LARGE1: variants seen among roughly 807,000 people sequenced by gnomAD.
LARGE1 encodes the protein xylosyl- and glucuronyltransferase LARGE1.
LARGE1 carries 43 observed loss-of-function variants against 87.6 expected under a neutral mutation model. That is an observed-to-expected ratio of 0.49 (90% CI 0.38 to 0.63). The LOEUF is 0.63. Ranked by LOEUF, LARGE1 falls within the 30% of genes least tolerant of loss-of-function variation. The probability of loss-of-function intolerance (pLI) is 0.00; values close to 1 mark genes in which losing one functional copy is unlikely to be tolerated. For synonymous variants in LARGE1, 434 were observed against 394.6 expected (o/e 1.10, Z -1.18); for missense variants, 802 against 1,000.2 (o/e 0.80, Z 2.67).
intron 11 of LARGE1, among the ~76,000 whole-genome samples, chr22:33,256,010 C>G (rs1568991783): frequency 2.0e-5 from 3 of 152,186 alleles, no homozygotes; most frequent in Non-Finnish European, 4.4e-5. Context: ...ATTTCCTCAT[C>G]ATTTCCAGGC....
Position 33,504,968 on chromosome 22 carries a change from T to C in LARGE1, c.787+59880A>G, listed in dbSNP as rs181804658. 3.3e-5 allele frequency among the ~76,000 whole-genome samples: 5 copies of C among 152,300 alleles called. No homozygotes were observed. In the East Asian group the frequency reaches 9.7e-4, roughly 29 times the overall value. On this transcript the variant is annotated intron_variant, in intron 6 of 14. Transcript: ENST00000397394. ...TTTGGATACAGCAACAGGGCAAAGG[T>C]GACAACCTCCAGGTGGCAAAGGTGG...
At chr22:33,354,428 C>T (rs1940700052) in intron 9 of LARGE1, among the ~76,000 whole-genome samples, 1 of 152,136 alleles carries the variant, frequency 6.6e-6, no homozygotes, top group South Asian at 2.1e-4. Flanking sequence ...ATTATATACA[C>T]TATAAAGAAA....
chr22:33,111,578 C>T, the LARGE1 span, among the ~76,000 whole-genome samples: 3 of 152,120 alleles, frequency 2.0e-5, no homozygotes, highest in African/African-American at 2.4e-5. Flanking sequence ...CAATTCCCCC[C>T]GTCCAGACTC....
rs951555635 is a variant in LARGE1 at position 33,650,246 on chromosome 22, C to T, written c.408+121G>A. 11 of 1,264,296 alleles carry T rather than the reference C, an allele frequency of 8.7e-6. No homozygotes were observed. In the East Asian group the frequency reaches 1.2e-4, roughly 13 times the overall value. The allele number at this position is 1,264,296 out of a possible 1,614,324, so 78.3% of individuals were successfully genotyped here. The stretch of plus-strand genomic sequence containing the variant: ...AGCGAGCAAGCCAGACTTACACACC[C>T]GGGCTAGAATCAAGAATGCCAGCTC... On this transcript the variant is annotated intron_variant, in intron 3 of 14. Coordinates refer to ENST00000397394, the MANE Select transcript of LARGE1 (RefSeq NM_133642.5).
Position 33,416,992 on chromosome 22 carries a change from C to T in LARGE1, c.892+15169G>A, listed in dbSNP as rs183370376. Among the ~76,000 whole-genome samples, 153 of 149,104 alleles carry T rather than the reference C, an allele frequency of 1.0e-3. 2 individuals carry two copies. In the East Asian group the frequency reaches 0.019, roughly 19 times the overall value. On this transcript the variant is annotated intron_variant, in intron 7 of 14. Coordinates refer to ENST00000397394, the MANE Select transcript of LARGE1 (RefSeq NM_133642.5). ...TGTGATCTCAGCTCACTGCAACCTC[C>T]GCCTCCCGGGTTCAAGCGATTCTCC...
At chr22:33,136,127 T>C in the LARGE1 span, among the ~76,000 whole-genome samples, 1 of 152,240 alleles carries the variant, frequency 6.6e-6, no homozygotes, top group Non-Finnish European at 1.5e-5. Context: ...AAGGACAGAA[T>C]GTGGTTTGCT....
intron 5 of LARGE1, among the ~76,000 whole-genome samples, chr22:33,571,243 G>C (rs1197047342): frequency 6.6e-6 from 1 of 152,170 alleles, no homozygotes; most frequent in African/African-American, 2.4e-5. Flanking sequence ...TGTAAACTGG[G>C]GGGTTGGGGA....
At chr22:33,605,765 T>C (rs551917618) in intron 4 of LARGE1, among the ~76,000 whole-genome samples, 2 of 152,182 alleles carry the variant, frequency 1.3e-5, no homozygotes, top group Non-Finnish European at 2.9e-5. Flanking sequence ...CCCGGCCCGC[T>C]GACCTCAAAG....
intron 5 of LARGE1, among the ~76,000 whole-genome samples, chr22:33,586,527 G>C (rs1477002554): frequency 6.7e-6 from 1 of 150,132 alleles, no homozygotes; most frequent in Non-Finnish European, 1.5e-5. Context: ...ACGATCTCTC[G>C]GCTCACGGCA....
chr22:33,793,246 T>G (rs934313712), intron 1 of LARGE1, among the ~76,000 whole-genome samples: 7 of 152,150 alleles, frequency 4.6e-5, no homozygotes, highest in African/African-American at 7.2e-5. Context: ...ACAACGGGGC[T>G]GTCAATTTTA....
At chr22:33,358,496 A>C (rs2064261943) in intron 9 of LARGE1, among the ~76,000 whole-genome samples, 1 of 152,146 alleles carries the variant, frequency 6.6e-6, no homozygotes, top group Non-Finnish European at 1.5e-5. Context: ...AACTATTATA[A>C]AATGTTTCAA....
At chr22:33,203,397 G>A (rs1924512429) in intron 11 of LARGE1, among the ~76,000 whole-genome samples, 1 of 152,138 alleles carries the variant, frequency 6.6e-6, no homozygotes, top group South Asian at 2.1e-4. Context: ...TCCCCTTGGT[G>A]GGTGGACACT....
intron 1 of LARGE1, among the ~76,000 whole-genome samples, chr22:33,780,697 T>C (rs1443948809): frequency 6.6e-6 from 1 of 152,250 alleles, no homozygotes; most frequent in Non-Finnish European, 1.5e-5. Flanking sequence ...CCAAAACCCA[T>C]CAGGAGACAT....
At chr22:33,166,952 T>A in intron 11 of LARGE1, 1 of 423,752 alleles carries the variant, frequency 2.4e-6, no homozygotes, top group Non-Finnish European at 4.9e-6. Context: ...GGGTCTAAAT[T>A]TCAGAGCGAA....
chr22:33,337,353 G>A (rs1171661315), intron 10 of LARGE1, among the ~76,000 whole-genome samples: 1 of 152,138 alleles, frequency 6.6e-6, no homozygotes, highest in African/African-American at 2.4e-5. Flanking sequence ...AGAGACACTT[G>A]ATCTTTCCTT....
chr22:33,449,694 G>A (rs2067832697), intron 6 of LARGE1, among the ~76,000 whole-genome samples: 1 of 152,200 alleles, frequency 6.6e-6, no homozygotes, highest in Non-Finnish European at 1.5e-5. Flanking sequence ...TGGTATATAT[G>A]CGTCTCAAAG....
intron 4 of LARGE1, among the ~76,000 whole-genome samples, chr22:33,618,755 T>G (rs2079653241): frequency 6.6e-6 from 1 of 152,140 alleles, no homozygotes; most frequent in African/African-American, 2.4e-5. Context: ...CCCAGTGAAA[T>G]CCAACCTTCA....
intron 6 of LARGE1, among the ~76,000 whole-genome samples, chr22:33,537,315 T>C (rs2077070672): frequency 6.6e-6 from 1 of 152,248 alleles, no homozygotes; most frequent in African/African-American, 2.4e-5. Context: ...TTCCCTGCTG[T>C]TTCCAGCTTC....
At chr22:33,823,096 T>C (rs145036675) in intron 1 of LARGE1, among the ~76,000 whole-genome samples, 1 of 152,294 alleles carries the variant, frequency 6.6e-6, no homozygotes, top group East Asian at 1.9e-4. Context: ...ATCGGGGTTG[T>C]CCATATAAAT....
Sources: gnomAD v4.1 joint callset for allele counts (sites outside exome capture counted in the v4.1 genomes callset) on GRCh38, gnomAD v4.1.1 for gene constraint, MANE v1.5 for transcripts, NCBI Gene and HGNC (gene_info 2026-07-23, HGNC 2026-07-21) for gene names.